ANAPC7: variants seen among roughly 807,000 people sequenced by gnomAD.
ANAPC7 encodes the protein anaphase-promoting complex subunit 7.
In ANAPC7, 25 loss-of-function variants were observed where a neutral mutation model predicts 63.3. The ratio of observed to expected loss-of-function variants is 0.39; its 90% CI spans 0.29 to 0.55. The LOEUF (loss-of-function observed/expected upper bound fraction) is 0.55, where lower values mean the gene tolerates loss of function less well. Among genes scored for constraint, ANAPC7 ranks in the 20% least tolerant of loss-of-function variants. The probability of loss-of-function intolerance (pLI) is 0.57; values close to 1 mark genes in which losing one functional copy is unlikely to be tolerated. For synonymous variants in ANAPC7, 241 were observed against 251.7 expected, an observed-to-expected ratio of 0.96 and a Z score of 0.40; for missense variants, 516 against 691.7, an observed-to-expected ratio of 0.75 and a Z score of 2.85.
chr12:110,374,822 G>C (rs1175198213), intron 10 of ANAPC7, among the ~76,000 whole-genome samples: 1 of 152,122 alleles, frequency 6.6e-6, no homozygotes. Flanking sequence ...CTGTACCATG[G>C]AACAGACTTG....
intron 7 of ANAPC7, among the ~76,000 whole-genome samples, chr12:110,382,459 A>ATATATATATATAT (rs1229764014): frequency 2.3e-4 from 12 of 51,952 alleles, no homozygotes; most frequent in African/African-American, 3.3e-4. Context: ...AAAAAAAAAA[A>ATATATATATATAT]AAATATATAT....
intron 3 of ANAPC7, among the ~76,000 whole-genome samples, chr12:110,390,957 C>T (rs1388460270): frequency 1.3e-5 from 2 of 152,090 alleles, no homozygotes; most frequent in Non-Finnish European, 2.9e-5. Flanking sequence ...TTTGGGAGGC[C>T]GAGGTGGGTG....
intron 3 of ANAPC7, among the ~76,000 whole-genome samples, chr12:110,391,794 A>T (rs1451143445): frequency 6.6e-6 from 1 of 152,222 alleles, no homozygotes; most frequent in Non-Finnish European, 1.5e-5. Flanking sequence ...TTCAAAGTTT[A>T]TAATTAAAAT....
At chr12:110,397,952 A>G (rs1222347897) in intron 1 of ANAPC7, among the ~76,000 whole-genome samples, 1 of 151,964 alleles carries the variant, frequency 6.6e-6, no homozygotes, top group African/African-American at 2.4e-5. Flanking sequence ...GGCCTTGATA[A>G]AAGTTTATTT....
chr12:110,377,328 C>A, intron 9 of ANAPC7, 65 bp downstream of exon 9: 2 of 1,407,794 alleles, frequency 1.4e-6, no homozygotes. Flanking sequence ...GGACAAGGGG[C>A]TCCAACTGAG....
chr12:110,402,242 A>G (rs1379318429), intron 1 of ANAPC7, among the ~76,000 whole-genome samples: 1 of 152,192 alleles, frequency 6.6e-6, no homozygotes, highest in Non-Finnish European at 1.5e-5. Context: ...AGAGCAGTGA[A>G]CAGAGTAATG....
chr12:110,377,074 T>G (rs1331464467), intron 9 of ANAPC7, among the ~76,000 whole-genome samples: 1 of 149,404 alleles, frequency 6.7e-6, no homozygotes, highest in African/African-American at 2.5e-5. Context: ...GAGGCGGAGG[T>G]TGCAGTGAGC....
intron 3 of ANAPC7, among the ~76,000 whole-genome samples, chr12:110,392,090 C>CAAAAAAAAAAAAAAAAAAAAAAAAAAA (rs1491299695): frequency 1.1e-5 from 1 of 94,824 alleles, no homozygotes. Context: ...GACTCCACCT[C>CAAAAAAAAAAAAAAAAAAAAAAAAAAA]ACAAAAAAAA....
At chr12:110,383,498 G>A (rs995136860) in intron 6 of ANAPC7, among the ~76,000 whole-genome samples, 1 of 152,052 alleles carries the variant, frequency 6.6e-6, no homozygotes, top group African/African-American at 2.4e-5. Flanking sequence ...TGGCACTCTG[G>A]GTGGCAGAGG....
At chr12:110,395,913 A>T (rs1883534675) in intron 2 of ANAPC7, among the ~76,000 whole-genome samples, 1 of 152,174 alleles carries the variant, frequency 6.6e-6, no homozygotes, top group Admixed American at 6.6e-5. Flanking sequence ...CCAGGGGACC[A>T]GTTTCATGAA....
rs1369658767 is a variant in ANAPC7 at position 110,379,375 on chromosome 12, C to T, written c.1133-1758G>A. Among the ~76,000 whole-genome samples, 5 of 152,178 alleles carry T rather than the reference C, an allele frequency of 3.3e-5. No homozygotes were observed. The East Asian group carries it at 9.6e-4, about 29-fold the overall frequency. Reference sequence around the variant, plus strand: ...AGGGTGTAGTCAGAGTTGCCCTGACCTAAATCTCCAAATGGCAGCTTAAGA... The same window carrying T: ...AGGGTGTAGTCAGAGTTGCCCTGACTTAAATCTCCAAATGGCAGCTTAAGA... On this transcript the variant is annotated intron_variant, in intron 8 of 10. Transcript: ENST00000455511.
chr12:110,380,542 T>C (rs1478097512), intron 8 of ANAPC7, among the ~76,000 whole-genome samples: 1 of 150,802 alleles, frequency 6.6e-6, no homozygotes, highest in East Asian at 2.0e-4. Flanking sequence ...TCCCAGCTAC[T>C]TGGGAGGCTG....
At position 110,373,029 on chromosome 12, in the gene ANAPC7, A is replaced by T. The variant is rs1880966951; in HGVS notation, c.*1115T>A. 6.6e-6 allele frequency: 1 copy of T among 152,156 alleles called. No homozygotes were observed. Among genetic ancestry groups the T allele is most frequent in the Non-Finnish European group, 1.5e-5 (1 of 68,024 alleles). 9.4% of individuals were successfully genotyped at this position (152,156 alleles called of 1,614,324 possible). On this transcript the variant is annotated 3_prime_UTR_variant, in exon 11 of 11. Coordinates refer to ENST00000455511, the MANE Select transcript of ANAPC7 (RefSeq NM_016238.3). ...AAATTTATATTTTGCAGCACCTTGGACTAATTTTTGAATTTGGGATTAGCT... is the reference window on the plus strand; with the variant it reads ...AAATTTATATTTTGCAGCACCTTGGTCTAATTTTTGAATTTGGGATTAGCT...
At chr12:110,389,711 T>C (rs28695619) in intron 3 of ANAPC7, among the ~76,000 whole-genome samples, 150,782 of 152,214 alleles carry the variant, frequency 0.99, 74,685 homozygotes, top group Middle Eastern at 1. Flanking sequence ...GTGGGTGGAT[T>C]ACGAGGTCAG....
In ANAPC7 at chr12:110,403,612, G is replaced by A. The variant is rs949555860; in HGVS notation, c.16C>T (p.His6Tyr). MNVID[H>Y]VRDMAAAGLH... ...CCCGCGGCCGCCATGTCCCGCACGTGGTCTATCACATTCATCCTGCTCTGC... is the reference window on the plus strand; with the variant it reads ...CCCGCGGCCGCCATGTCCCGCACGTAGTCTATCACATTCATCCTGCTCTGC... Residue 6 changes from histidine (H) to tyrosine (Y), a missense_variant, in exon 1 of 11, where the codon CAC (histidine) becomes TAC (tyrosine). Coordinates refer to ENST00000455511, the MANE Select transcript of ANAPC7 (RefSeq NM_016238.3). 6.9e-6 allele frequency: 11 copies of A among 1,605,804 alleles called. No individual in the cohort carries two copies. In the Middle Eastern group the frequency reaches 6.6e-4, roughly 97 times the overall value.
Position 110,386,457 on chromosome 12 carries a change from T to C in ANAPC7, c.687A>G (p.Lys229=). ...RAISTICSLE[K]KSLLRDNVDL... ...CCACGTTATCTCGCAATAAGGATTT[T>C]TTCTCTAGTGAACTTTAAGATATTT... Residue 229 remains lysine (K), a synonymous_variant, in exon 6 of 11, where the codon AAA becomes AAG. Coordinates refer to ENST00000455511, the MANE Select transcript of ANAPC7 (RefSeq NM_016238.3). 6.2e-7 allele frequency: 1 copy of C among 1,611,854 alleles called. No individual in the cohort carries two copies. Among genetic ancestry groups the C allele is most frequent in the Non-Finnish European group, 8.5e-7 (1 of 1,179,300 alleles).
In ANAPC7 at chr12:110,387,818, A is replaced by G; in HGVS notation, c.595T>C (p.Leu199=). 6.2e-7 allele frequency: 1 copy of G among 1,614,204 alleles called. No homozygotes were observed. Among genetic ancestry groups the G allele is most frequent in the Non-Finnish European group, 8.5e-7 (1 of 1,180,036 alleles). ...TTGATCCACACAGAGAGCCAGTCCA[A>G]GTTAGGCACGGTTTGGATCACATTC... ...TMNVIQTVPN[L]DWLSVWIKAY... is the part of the protein sequence containing the mutation. Residue 199 remains leucine, a synonymous_variant, in exon 5 of 11, where the codon TTG becomes CTG. Coordinates refer to ENST00000455511, the MANE Select transcript of ANAPC7 (RefSeq NM_016238.3).
At chr12:110,401,007 A>C (rs2062220215) in intron 1 of ANAPC7, among the ~76,000 whole-genome samples, 1 of 152,106 alleles carries the variant, frequency 6.6e-6, no homozygotes, top group Admixed American at 6.5e-5. Context: ...CCGAGATCGC[A>C]CCACTGCACT....
chr12:110,374,745 G>T (rs761987798), intron 10 of ANAPC7, among the ~76,000 whole-genome samples: 11 of 152,234 alleles, frequency 7.2e-5, no homozygotes, highest in Non-Finnish European at 1.3e-4. Context: ...TCTGAGTATA[G>T]GTGTCCCATG....
Sources: allele counts gnomAD v4.1 joint callset (sites outside exome capture counted in the v4.1 genomes callset), GRCh38; gene constraint gnomAD v4.1.1; transcripts MANE v1.5; gene names NCBI Gene and HGNC (gene_info 2026-07-23, HGNC 2026-07-21).